The following ISY1 variants were observed in gnomAD, a reference collection of about 807,000 sequenced individuals.
The protein encoded by ISY1 is pre-mRNA-splicing factor ISY1 homolog.
In ISY1, 12 loss-of-function variants were observed where a neutral mutation model predicts 54.4. The observed-to-expected ratio is 0.22, with a 90% CI of 0.14 to 0.36. ISY1 has a LOEUF of 0.36. ISY1 is among the 10% of genes least tolerant of loss of function. The pLI is 1.00. For missense variants in ISY1, 282 were observed against 342.2 expected (o/e 0.82, Z 1.39); for synonymous variants, 96 against 117.9 (o/e 0.81, Z 1.20).
intron 7 of ISY1, among the ~76,000 whole-genome samples, chr3:129,136,246 C>A (rs1406761940): frequency 6.6e-6 from 1 of 151,716 alleles, no homozygotes; most frequent in Middle Eastern, 3.4e-3. Context: ...GGATTACAAG[C>A]ACCCGCCACC....
At chr3:129,147,745 C>T (rs986344985) in intron 5 of ISY1, among the ~76,000 whole-genome samples, 3 of 152,042 alleles carry the variant, frequency 2.0e-5, no homozygotes, top group Admixed American at 6.6e-5. Flanking sequence ...AGTTCCATCG[C>T]CCCAAAACAT....
chr3:129,156,901 G>C lies in ISY1; in HGVS notation c.98C>G (p.Ala33Gly). 6.2e-7 allele frequency: 1 copy of C among 1,613,988 alleles called. No individual in the cohort carries two copies. Among genetic ancestry groups the C allele is most frequent in the Non-Finnish European group, 8.5e-7 (1 of 1,179,972 alleles). ...TTTAGGCAGTTCAGTACATTCTGAG[G>C]CCAGAAAGGGTCTTCGTTCCTAAGG... ...GKVKERRPFLASECTELPKAE... is the reference protein window; with the variant it reads ...GKVKERRPFLGSECTELPKAE... The change falls in exon 4 of 11, where the codon GCC becomes GGC. Residue 33 changes from alanine (A) to glycine (G), a missense_variant. This residue lies in a region of ISY1 where 279 missense variants were observed against 323.6 expected (regional missense o/e 0.86). Transcript: ENST00000393295.
Position 129,128,648 on chromosome 3 carries a change from G to A in ISY1, c.*1433C>T, listed in dbSNP as rs1936157242. 1 of 153,264 alleles carries A rather than the reference G, an allele frequency of 6.5e-6. No homozygotes were observed. Among genetic ancestry groups the A allele is most frequent in the Non-Finnish European group, 1.4e-5 (1 of 68,986 alleles). The allele number at this position is 153,264 out of a possible 1,614,324, so 9.5% of individuals were successfully genotyped here. ...GCCACACACGGCTCTGCCACCCCCA[G>A]TCTGAGCTGCTCCCCGCAGACCAAC... is the stretch of plus-strand genomic sequence containing the variant. On this transcript the variant is annotated 3_prime_UTR_variant, in exon 11 of 11. Coordinates refer to ENST00000393295, the MANE Select transcript of ISY1 (RefSeq NM_020701.4).
chr3:129,147,752 A>G (rs1382820592), intron 5 of ISY1, among the ~76,000 whole-genome samples: 2 of 152,040 alleles, frequency 1.3e-5, no homozygotes, highest in African/African-American at 4.8e-5. Context: ...TCGCCCCAAA[A>G]CATTCCCTTA....
intron 1 of ISY1, among the ~76,000 whole-genome samples, chr3:129,160,292 A>T (rs1937265397): frequency 6.6e-6 from 1 of 152,098 alleles, no homozygotes; most frequent in Non-Finnish European, 1.5e-5. Context: ...CTTAATGAAA[A>T]TAATACAGTA....
chr3:129,160,019 G>A (rs1937257753), intron 1 of ISY1, among the ~76,000 whole-genome samples: 1 of 151,998 alleles, frequency 6.6e-6, no homozygotes, highest in African/African-American at 2.4e-5. Flanking sequence ...CACAGAAACG[G>A]CTACTACTTT....
At chr3:129,160,563 T>C (rs1212347054) in intron 1 of ISY1, among the ~76,000 whole-genome samples, 1 of 152,146 alleles carries the variant, frequency 6.6e-6, no homozygotes, top group East Asian at 1.9e-4. Flanking sequence ...CTGTATATTA[T>C]GGAGCAGACT....
chr3:129,154,689 G>C (rs545036608), intron 5 of ISY1, among the ~76,000 whole-genome samples: 2 of 115,102 alleles, frequency 1.7e-5, no homozygotes, highest in African/African-American at 5.4e-5. Flanking sequence ...CAATTTTATT[G>C]ATCTTTTTTT....
At chr3:129,145,286 G>A (rs374977679) in intron 6 of ISY1, among the ~76,000 whole-genome samples, 14 of 149,950 alleles carry the variant, frequency 9.3e-5, no homozygotes, top group African/African-American at 3.2e-4. Flanking sequence ...GTGCAGTGGC[G>A]ATCTTGGCTC....
chr3:129,136,695 T>C (rs1560014761), intron 7 of ISY1, among the ~76,000 whole-genome samples: 1 of 150,078 alleles, frequency 6.7e-6, no homozygotes, highest in Non-Finnish European at 1.5e-5. Context: ...CTTCTTCTTT[T>C]TTTTTTTTTT....
intron 5 of ISY1, among the ~76,000 whole-genome samples, chr3:129,147,208 C>T (rs1484839496): frequency 6.6e-6 from 1 of 151,858 alleles, no homozygotes; most frequent in Non-Finnish European, 1.5e-5. Flanking sequence ...GAGTCCTTGT[C>T]TCTACTAAAA....
chr3:129,153,779 C>T (rs1034637239), intron 5 of ISY1, among the ~76,000 whole-genome samples: 1 of 152,052 alleles, frequency 6.6e-6, no homozygotes, highest in East Asian at 1.9e-4. Context: ...GAGCAAGACT[C>T]TGTCTCAAAA....
chr3:129,144,753 A>G (rs1936722213), intron 6 of ISY1, among the ~76,000 whole-genome samples: 2 of 152,086 alleles, frequency 1.3e-5, no homozygotes, highest in African/African-American at 4.8e-5. Context: ...ACAATGAGCC[A>G]TGTTCTTAAA....
At chr3:129,151,490 A>G (rs1185488079) in intron 5 of ISY1, among the ~76,000 whole-genome samples, 1 of 151,340 alleles carries the variant, frequency 6.6e-6, no homozygotes, top group Non-Finnish European at 1.5e-5. Flanking sequence ...TTGGCCGGGC[A>G]TGGTGGCACA....
chr3:129,146,284 G>A (rs1576883002), intron 5 of ISY1, among the ~76,000 whole-genome samples: 3 of 152,236 alleles, frequency 2.0e-5, no homozygotes, highest in Middle Eastern at 3.4e-3. Flanking sequence ...ATGGTTTAGC[G>A]TTTTCAGGAA....
At chr3:129,134,758 G>GA in intron 8 of ISY1, 74 bp downstream of exon 8, 1 of 1,508,400 alleles carries the variant, frequency 6.6e-7, no homozygotes, top group Non-Finnish European at 8.9e-7. Context: ...AAGCACTATT[G>GA]AAAATCCTGT....
intron 2 of ISY1, among the ~76,000 whole-genome samples, 150 bp downstream of exon 2, chr3:129,158,999 CAGGAA>C (rs1937224966): frequency 6.6e-6 from 1 of 152,066 alleles, no homozygotes; most frequent in Admixed American, 6.6e-5. Context: ...TGGGCAAAAA[CAGGAA>C]TGTTTTTGCA....
intron 5 of ISY1, among the ~76,000 whole-genome samples, chr3:129,149,743 C>T (rs1226908716): frequency 7.9e-6 from 1 of 127,388 alleles, no homozygotes; most frequent in African/African-American, 2.9e-5. Flanking sequence ...GAGCCAAGAT[C>T]GTACCACTGC....
At chr3:129,155,043 G>C (rs756549003) in intron 5 of ISY1, among the ~76,000 whole-genome samples, 1 of 151,614 alleles carries the variant, frequency 6.6e-6, no homozygotes, top group Non-Finnish European at 1.5e-5. Context: ...TATTCATCTT[G>C]TTTTCAATGC....
Sources: gnomAD v4.1 joint callset for allele counts (sites outside exome capture counted in the v4.1 genomes callset) on GRCh38, gnomAD v4.1.1 for gene constraint, gnomAD v4.1.1 regional missense constraint, MANE v1.5 for transcripts, NCBI Gene and HGNC (gene_info 2026-07-23, HGNC 2026-07-21) for gene names.